SATB1: variants seen among roughly 807,000 people sequenced by gnomAD.
SATB1 encodes the protein SATB homeobox 1.
A neutral mutation model predicts 86.9 loss-of-function variants in SATB1; 11 were observed. The ratio of observed to expected loss-of-function variants is 0.13; its 90% CI spans 0.08 to 0.21. The LOEUF (loss-of-function observed/expected upper bound fraction) is 0.21, where lower values mean the gene tolerates loss of function less well. SATB1 is among the 10% of genes least tolerant of loss of function. SATB1 has a pLI of 1.00. For synonymous variants in SATB1, 357 were observed against 357.2 expected (o/e 1.00, Z 0.01); for missense variants, 551 against 937.6 (o/e 0.59, Z 5.39).
chr3:18,415,449 T>A (rs1299369210), intron 4 of SATB1, among the ~76,000 whole-genome samples: 1 of 152,128 alleles, frequency 6.6e-6, no homozygotes, highest in Non-Finnish European at 1.5e-5. Context: ...TGGTGGCTAT[T>A]TTTTCATGTT....
intron 9 of SATB1, among the ~76,000 whole-genome samples, chr3:18,365,269 A>C (rs1261870084): frequency 1.3e-5 from 2 of 152,182 alleles, no homozygotes; most frequent in Non-Finnish European, 2.9e-5. Context: ...CATCCAAGTA[A>C]TTTTAAAGGT....
intron 9 of SATB1, among the ~76,000 whole-genome samples, chr3:18,353,695 A>G (rs1304431382): frequency 6.6e-6 from 1 of 152,206 alleles, no homozygotes; most frequent in Non-Finnish European, 1.5e-5. Context: ...TATAGTGGAA[A>G]GAAGCATGGC....
intron 9 of SATB1, among the ~76,000 whole-genome samples, chr3:18,358,249 C>A (rs142663965): frequency 6.8e-4 from 103 of 152,038 alleles, no homozygotes; most frequent in African/African-American, 2.3e-3. Context: ...CCCATCATGT[C>A]CTGTAATAAA....
At chr3:18,390,885 AAGAT>A (rs1299110830) in intron 7 of SATB1, among the ~76,000 whole-genome samples, 3 of 152,166 alleles carry the variant, frequency 2.0e-5, no homozygotes, top group African/African-American at 7.2e-5. Context: ...AAATAGCAAT[AAGAT>A]AGAGAAGTGA....
At position 18,349,868 on chromosome 3, in the gene SATB1, G is replaced by T; in HGVS notation, c.1780-186C>A. The stretch of plus-strand genomic sequence containing the variant: ...ATTTACAAAAAAATCAAAATGATAT[G>T]ACTAGGAAGGGATGAATTAAGACAG... On this transcript the variant is annotated intron_variant, in intron 10 of 10. Transcript: ENST00000338745. This position sits in a 1 kb window ranked among gnomAD's most constrained non-coding sequence, Gnocchi z 5.5. 1 of 1,030,116 alleles carries T rather than the reference G, an allele frequency of 9.7e-7. No homozygotes were observed. The highest frequency in any genetic ancestry group is 1.4e-6 in the Non-Finnish European group (1 of 736,302). The allele number at this position is 1,030,116 out of a possible 1,614,324, so 63.8% of individuals were successfully genotyped here. A position where few individuals can be genotyped will look rare whatever the true frequency, so the allele number is the denominator to read the frequency against.
chr3:18,349,025 T>G lies in SATB1; in HGVS notation c.*145A>C, dbSNP rs1694207208. 2.2e-6 allele frequency: 3 copies of G among 1,370,994 alleles called. No homozygotes were observed. The South Asian group carries it at 4.6e-5, about 21-fold the overall frequency. The allele number at this position is 1,370,994 out of a possible 1,614,324, so 84.9% of individuals were successfully genotyped here. ...ATTTAGTGCAGTCTGTATTATCCTT[T>G]TCCAACTTTTCTGTTTGTGCAAGTT... On this transcript the variant is annotated 3_prime_UTR_variant, in exon 11 of 11. Transcript: ENST00000338745. The surrounding 1 kb of genome is among the most constrained non-coding windows in gnomAD (Gnocchi z 5.5).
rs116726459 is a variant in SATB1, at chr3:18,367,641, A to C, written c.1575+10529T>G. Among the ~76,000 whole-genome samples the C allele has an allele frequency of 2.5e-3, 386 of 152,314 alleles. 1 individual carries two copies. Among genetic ancestry groups the C allele is most frequent in the Non-Finnish European group, 3.9e-3 (262 of 68,022 alleles). ...ATTCTTGTAGTCTAACGATTAATTT[A>C]ATGAAAAGATGTGCTCTTTCTTTGT... On this transcript the variant is annotated intron_variant, in intron 9 of 10. Transcript: ENST00000338745.
chr3:18,412,161 C>T (rs542325300), intron 5 of SATB1, among the ~76,000 whole-genome samples: 1 of 152,036 alleles, frequency 6.6e-6, no homozygotes, highest in Non-Finnish European at 1.5e-5. Flanking sequence ...CAAGTCAGGA[C>T]TTTCTTGTTA....
Position 18,419,594 on chromosome 3 carries a change from C to G in SATB1, c.211+1163G>C, listed in dbSNP as rs543606352. ...TACATGTTTGCAGGCGTCAGAAAGT[C>G]TTTTTTATACAGCCCCAGTGCTTCA... is the stretch of plus-strand genomic sequence containing the variant. On this transcript the variant is annotated intron_variant, in intron 2 of 10. Transcript: ENST00000338745. Among the ~76,000 whole-genome samples the G allele has an allele frequency of 2.0e-5, 3 of 152,114 alleles. No individual in the cohort carries two copies. In the South Asian group the frequency reaches 6.2e-4, roughly 32 times the overall value.
chr3:18,409,786 A>T (rs1417831483), intron 5 of SATB1, among the ~76,000 whole-genome samples: 1 of 152,046 alleles, frequency 6.6e-6, no homozygotes, highest in African/African-American at 2.4e-5. Context: ...TATACTGGGA[A>T]GGGGCAAGTA....
chr3:18,420,990 A>G lies in SATB1; in HGVS notation c.-23T>C, dbSNP rs1463837555. On this transcript the variant is annotated splice_region_variant and 5_prime_UTR_variant, in exon 2 of 11. The change abolishes the stop of an existing upstream ORF in the 5' untranslated region. Transcript: ENST00000338745. ...CATACTCAGTCACTGTCTAAAGATC[A>G]CCTGCCAGAATTTAAAAAGAAGACA... 6.2e-7 allele frequency: 1 copy of G among 1,609,070 alleles called. No homozygotes were observed.
chr3:18,391,307 C>T (rs536395124), intron 7 of SATB1, among the ~76,000 whole-genome samples: 1 of 152,172 alleles, frequency 6.6e-6, no homozygotes, highest in East Asian at 1.9e-4. Flanking sequence ...GTCTTAATGC[C>T]GTTTATAAGA....
At chr3:18,395,767 T>C (rs1455394337) in intron 6 of SATB1, among the ~76,000 whole-genome samples, 1 of 152,214 alleles carries the variant, frequency 6.6e-6, no homozygotes, top group Non-Finnish European at 1.5e-5. Flanking sequence ...TATTCCCACC[T>C]ACCCAGGATG....
At position 18,346,815 on chromosome 3, in the gene SATB1, G is replaced by A. The variant is rs188308824; in HGVS notation, c.*2355C>T. Reference sequence around the variant, plus strand: ...TGCAACCCAAACTTAGGGGATATAAGGAAGAGGAAGATAACTTCATGGCAT... The same window carrying A: ...TGCAACCCAAACTTAGGGGATATAAAGAAGAGGAAGATAACTTCATGGCAT... On this transcript the variant is annotated 3_prime_UTR_variant, in exon 11 of 11. Coordinates refer to ENST00000338745, the MANE Select transcript of SATB1 (RefSeq NM_002971.6). The A allele has an allele frequency of 3.4e-4, 51 of 152,186 alleles. No homozygotes were observed. Among genetic ancestry groups the A allele is most frequent in the Non-Finnish European group, 6.5e-4 (44 of 67,984 alleles). 9.4% of individuals were successfully genotyped at this position (152,186 alleles called of 1,614,324 possible).
Position 18,393,038 on chromosome 3 carries a change from T to C in SATB1, c.1206+1424A>G, listed in dbSNP as rs116028914. Among the ~76,000 whole-genome samples, 554 of 151,174 alleles carry C rather than the reference T, an allele frequency of 3.7e-3. 5 individuals carry two copies. The highest frequency in any genetic ancestry group is 0.012 in the African/African-American group (489 of 41,238). ...GAATTAGAGGCTTTGTCAGGTCTCC[T>C]AACTCCCCATCTAGTTAAGGCACGC... On this transcript the variant is annotated intron_variant, in intron 7 of 10. Transcript: ENST00000338745.
intron 5 of SATB1, among the ~76,000 whole-genome samples, chr3:18,410,324 T>C (rs1697766123): frequency 6.6e-6 from 1 of 152,048 alleles, no homozygotes; most frequent in South Asian, 2.1e-4. Context: ...TTTCATTTTG[T>C]CTTTTTTAAA....
chr3:18,375,633 T>C (rs1695706820), intron 9 of SATB1, among the ~76,000 whole-genome samples: 1 of 152,188 alleles, frequency 6.6e-6, no homozygotes. Flanking sequence ...GTTTTTCTGT[T>C]TCCTTCACAA....
At chr3:18,351,925 A>T in intron 10 of SATB1, 67 bp downstream of exon 10, 1 of 1,485,668 alleles carries the variant, frequency 6.7e-7, no homozygotes, top group Non-Finnish European at 9.4e-7. Flanking sequence ...GAGAAACGCT[A>T]ATTTCCCTGC....
Position 18,417,751 on chromosome 3 carries a change from A to C in SATB1, c.212-673T>G. 9 of 679,154 alleles carry C rather than the reference A, an allele frequency of 1.3e-5. No individual in the cohort carries two copies. In the South Asian group the frequency reaches 1.4e-4, roughly 11 times the overall value. The allele number at this position is 679,154 out of a possible 1,614,324, so 42.1% of individuals were successfully genotyped here. On this transcript the variant is annotated intron_variant, in intron 2 of 10. Transcript: ENST00000338745. ...GCTTTTATGAATACTCATTTAACCTACCTAACTAAAAAGAGAGCACGGTAC... is the reference window on the plus strand; with the variant it reads ...GCTTTTATGAATACTCATTTAACCTCCCTAACTAAAAAGAGAGCACGGTAC...
Sources: allele counts gnomAD v4.1 joint callset (sites outside exome capture counted in the v4.1 genomes callset), GRCh38; gene constraint gnomAD v4.1.1; non-coding constraint Gnocchi (gnomAD v3.1); transcripts MANE v1.5; gene names NCBI Gene and HGNC (gene_info 2026-07-23, HGNC 2026-07-21).